PKNOX2: variants seen among roughly 807,000 people sequenced by gnomAD.
PKNOX2 encodes the protein homeobox protein PKNOX2.
In PKNOX2, 14 loss-of-function variants were observed where a neutral mutation model predicts 53.1. That is an observed-to-expected ratio of 0.26 (90% CI 0.17 to 0.41). The LOEUF (loss-of-function observed/expected upper bound fraction) is 0.41. Among genes scored for constraint, PKNOX2 ranks in the 10% least tolerant of loss-of-function variants. PKNOX2 has a pLI of 1.00. For missense variants in PKNOX2, 496 were observed against 602.8 expected (o/e 0.82, Z 1.85); for synonymous variants, 257 against 242.8 (o/e 1.06, Z -0.54).
chr11:125,261,887 T>C (rs1944875424), intron 2 of PKNOX2, among the ~76,000 whole-genome samples: 1 of 152,234 alleles, frequency 6.6e-6, no homozygotes, highest in South Asian at 2.1e-4. Context: ...GGTCTTAAAT[T>C]ACAGAGTGTA....
chr11:125,284,089 A>G (rs1946747043), intron 2 of PKNOX2, among the ~76,000 whole-genome samples: 1 of 152,226 alleles, frequency 6.6e-6, no homozygotes, highest in African/African-American at 2.4e-5. Context: ...GGTAGATGGA[A>G]ATAGTAACTG....
chr11:125,174,498 C>G (rs1181534144), intron 1 of PKNOX2, among the ~76,000 whole-genome samples: 1 of 152,200 alleles, frequency 6.6e-6, no homozygotes, highest in Non-Finnish European at 1.5e-5. Context: ...AAGCCCCTTT[C>G]AAGTCTATTC....
intron 3 of PKNOX2, among the ~76,000 whole-genome samples, chr11:125,335,446 C>T (rs549673185): frequency 2.0e-4 from 30 of 152,142 alleles, no homozygotes; most frequent in East Asian, 3.9e-4. Context: ...AGAGGCTCTC[C>T]GAGGAGTCTT....
chr11:125,319,181 T>A (rs1448085193), intron 2 of PKNOX2, among the ~76,000 whole-genome samples: 1 of 152,170 alleles, frequency 6.6e-6, no homozygotes, highest in Non-Finnish European at 1.5e-5. Flanking sequence ...GGGTTATTAA[T>A]TGACCTAATT....
intron 3 of PKNOX2, among the ~76,000 whole-genome samples, chr11:125,342,878 A>G (rs541270218): frequency 4.9e-4 from 74 of 151,584 alleles, no homozygotes; most frequent in African/African-American, 1.7e-3. Context: ...AGCTGCTTGC[A>G]TGTTGAAAAA....
At chr11:125,375,205 C>T (rs773972837) in intron 5 of PKNOX2, among the ~76,000 whole-genome samples, 2 of 152,114 alleles carry the variant, frequency 1.3e-5, no homozygotes, top group Non-Finnish European at 2.9e-5. Flanking sequence ...AGGCATCAAA[C>T]GAGGAGAGGA....
At chr11:125,178,656 A>G (rs1955924813) in intron 1 of PKNOX2, among the ~76,000 whole-genome samples, 1 of 111,684 alleles carries the variant, frequency 9.0e-6, no homozygotes. Context: ...GAAGGAAGGA[A>G]GGAAGGAAGG....
intron 12 of PKNOX2, 36 bp from the exon 13 acceptor site, chr11:125,431,130 C>T: frequency 1.2e-6 from 2 of 1,601,638 alleles, no homozygotes; most frequent in East Asian, 2.2e-5. Context: ...TGACCAGCAG[C>T]CCCTGCCTCG....
At chr11:125,404,904 G>A (rs1053273258) in intron 7 of PKNOX2, among the ~76,000 whole-genome samples, 1 of 152,210 alleles carries the variant, frequency 6.6e-6, no homozygotes, top group African/African-American at 2.4e-5. Flanking sequence ...CTGTGCCCTG[G>A]AGAGGTCAGG....
intron 5 of PKNOX2, among the ~76,000 whole-genome samples, chr11:125,368,722 G>A (rs1395255213): frequency 6.6e-6 from 1 of 152,222 alleles, no homozygotes; most frequent in Non-Finnish European, 1.5e-5. Flanking sequence ...TGCAGAGGGT[G>A]GGATGGGGCT....
chr11:125,237,282 T>C (rs949971992), intron 2 of PKNOX2, among the ~76,000 whole-genome samples: 2 of 152,216 alleles, frequency 1.3e-5, no homozygotes, highest in African/African-American at 4.8e-5. Context: ...TTTTATTACC[T>C]GCCCTTCAAA....
chr11:125,421,910 G>C (rs1488670272), intron 10 of PKNOX2, among the ~76,000 whole-genome samples: 2 of 152,216 alleles, frequency 1.3e-5, no homozygotes, highest in Non-Finnish European at 2.9e-5. Context: ...CGCTGGTGTA[G>C]AGGGCTCCTG....
chr11:125,248,316 TTA>T (rs893658886), intron 2 of PKNOX2, among the ~76,000 whole-genome samples: 6 of 152,168 alleles, frequency 3.9e-5, no homozygotes, highest in Non-Finnish European at 5.9e-5. Flanking sequence ...AAAGCAGGTG[TTA>T]AATTCTGCTT....
At chr11:125,189,907 C>T (rs1956769646) in intron 1 of PKNOX2, 1 of 150,908 alleles carries the variant, frequency 6.6e-6, no homozygotes, top group African/African-American at 2.4e-5. Flanking sequence ...CCTAGTATAA[C>T]TGTTAATAGC....
intron 7 of PKNOX2, among the ~76,000 whole-genome samples, chr11:125,399,325 T>G (rs555478529): frequency 1.3e-5 from 2 of 152,272 alleles, no homozygotes; most frequent in Non-Finnish European, 2.9e-5. Flanking sequence ...AGAGTCTTAT[T>G]GTACTTTCCC....
chr11:125,383,276 C>T (rs540921380), intron 5 of PKNOX2, among the ~76,000 whole-genome samples: 29 of 152,140 alleles, frequency 1.9e-4, no homozygotes, highest in African/African-American at 4.8e-4. Flanking sequence ...TGCTCCGTCA[C>T]GGTGTGCTGG....
At chr11:125,369,857 G>T (rs1389007952) in intron 5 of PKNOX2, among the ~76,000 whole-genome samples, 3 of 152,184 alleles carry the variant, frequency 2.0e-5, no homozygotes, top group Non-Finnish European at 4.4e-5. Flanking sequence ...GATGACATAT[G>T]CTTGTCATAC....
chr11:125,344,165 G>T (rs182558835), intron 3 of PKNOX2, among the ~76,000 whole-genome samples: 1 of 152,180 alleles, frequency 6.6e-6, no homozygotes, highest in Admixed American at 6.5e-5. Flanking sequence ...TCCAGGGTGG[G>T]TCTCTAATGT....
intron 2 of PKNOX2, among the ~76,000 whole-genome samples, chr11:125,241,785 G>C (rs558235985): frequency 6.6e-6 from 1 of 152,192 alleles, no homozygotes; most frequent in Non-Finnish European, 1.5e-5. Flanking sequence ...AACCCAGGAG[G>C]TGGAGGTTGC....
Sources: allele counts gnomAD v4.1 joint callset (sites outside exome capture counted in the v4.1 genomes callset), GRCh38; gene constraint gnomAD v4.1.1; transcripts MANE v1.5; gene names NCBI Gene and HGNC (gene_info 2026-07-23, HGNC 2026-07-21).